Variants in ARID5A observed in about 807,000 individuals in gnomAD.
ARID5A encodes the protein AT-rich interactive domain-containing protein 5A.
A neutral mutation model predicts 30.5 loss-of-function variants in ARID5A; 14 were observed. That is an observed-to-expected ratio of 0.46 (90% CI 0.30 to 0.72). ARID5A has a LOEUF of 0.72. Among genes scored for constraint, ARID5A ranks in the 30% least tolerant of loss-of-function variants. The pLI is 0.07. For synonymous variants in ARID5A, 338 were observed against 340.4 expected, an observed-to-expected ratio of 0.99 and a Z score of 0.08; for missense variants, 669 against 786.2, an observed-to-expected ratio of 0.85 and a Z score of 1.78.
In ARID5A at chr2:96,550,241, A is replaced by G; in HGVS notation, c.366A>G (p.Pro122=). ...TGTACGACGAGCTGGGGGGCAGCCC[A>G]GGCAGCACCAGCGCGGCCACGTGCA... ...KNVYDELGGS[P]GSTSAATCTR... is the part of the protein sequence containing the mutation. Residue 122 remains proline (P), a synonymous_variant, in exon 5 of 7, where the codon CCA becomes CCG. Transcript: ENST00000357485. The surrounding 1 kb of genome is among the most constrained non-coding windows in gnomAD (Gnocchi z 6.6). 6.6e-7 allele frequency: 1 copy of G among 1,520,154 alleles called. No individual in the cohort carries two copies. The highest frequency in any genetic ancestry group is 8.8e-7 in the Non-Finnish European group (1 of 1,137,438). The allele number at this position is 1,520,154 out of a possible 1,614,324, so 94.2% of individuals were successfully genotyped here.
At chr2:96,542,712 G>A (rs556911821) in intron 1 of ARID5A, among the ~76,000 whole-genome samples, 2 of 152,312 alleles carry the variant, frequency 1.3e-5, no homozygotes, top group Admixed American at 6.5e-5. Flanking sequence ...AGCCCAAGGT[G>A]CAGCGACTTG....
intron 1 of ARID5A, chr2:96,538,036 G>C: frequency 4.1e-6 from 4 of 985,514 alleles, no homozygotes; most frequent in Non-Finnish European, 4.8e-6. Context: ...GTCGGGGCTC[G>C]AGGGCTTCAC....
In ARID5A at chr2:96,537,955, T is replaced by C. The variant is rs973558230; in HGVS notation, c.4+1125T>C. ...GCCTCTTGCCCCACCCGGGCTCCTC[T>C]GGTGGGAGCCCACACGCACGGTGGC... On this transcript the variant is annotated intron_variant, in intron 1 of 6. Coordinates refer to ENST00000357485, the MANE Select transcript of ARID5A (RefSeq NM_212481.3). This position sits in a 1 kb window ranked among gnomAD's most constrained non-coding sequence, Gnocchi z 4.8. 3 of 985,306 alleles carry C rather than the reference T, an allele frequency of 3.0e-6. No individual in the cohort carries two copies. The highest frequency in any genetic ancestry group is 3.5e-5 in the African/African-American group (2 of 57,210). 61.0% of individuals were successfully genotyped at this position (985,306 alleles called of 1,614,324 possible). A position where few individuals can be genotyped will look rare whatever the true frequency, so the allele number is the denominator to read the frequency against.
Position 96,551,363 on chromosome 2 carries a change from G to T in ARID5A, c.835G>T (p.Gly279Cys). 1 of 1,612,638 alleles carries T rather than the reference G, an allele frequency of 6.2e-7. No homozygotes were observed. The highest frequency in any genetic ancestry group is 8.5e-7 in the Non-Finnish European group (1 of 1,179,780). The change falls in exon 7 of 7, where the codon GGC becomes TGC. Residue 279 changes from glycine (G) to cysteine (C), a missense_variant. Coordinates refer to ENST00000357485, the MANE Select transcript of ARID5A (RefSeq NM_212481.3). ...GGAGGCCTTGCAGTGCCAGGAGGAG[G>T]GCTGCCGCCATGGGGCAGAGCCCCA... is the stretch of plus-strand genomic sequence containing the variant. Reference protein sequence around the residue: ...KVEALQCQEEGCRHGAEPQAS... With the variant: ...KVEALQCQEECCRHGAEPQAS...
At chr2:96,542,282 C>T (rs528231177) in intron 1 of ARID5A, among the ~76,000 whole-genome samples, 148 of 152,318 alleles carry the variant, frequency 9.7e-4, no homozygotes, top group African/African-American at 3.0e-3. Flanking sequence ...CCAGAGGGCC[C>T]TGGCAGGACA....
chr2:96,551,791 G>A lies in ARID5A; in HGVS notation c.1263G>A (p.Met421Ile), dbSNP rs1454458443. The change falls in exon 7 of 7, where the codon ATG becomes ATA. Residue 421 changes from methionine (M) to isoleucine (I), a missense_variant. Physicochemically the swap from Met to Ile is conservative, Grantham distance 10. Around this residue, in one of 4 missense-constraint regions of ARID5A, gnomAD observed 548 missense variants for 577.4 expected, o/e 0.95. Coordinates refer to ENST00000357485, the MANE Select transcript of ARID5A (RefSeq NM_212481.3). ...PKPKACWVSP[M>I]AKVPAESPTL... Reference sequence around the variant, plus strand: ...CCAAAGCCTGCTGGGTGTCCCCCATGGCCAAGGTCCCAGCCGAGAGCCCCA... The same window carrying A: ...CCAAAGCCTGCTGGGTGTCCCCCATAGCCAAGGTCCCAGCCGAGAGCCCCA... 6.4e-7 allele frequency: 1 copy of A among 1,558,048 alleles called. No individual in the cohort carries two copies. Among genetic ancestry groups the A allele is most frequent in the Non-Finnish European group, 8.6e-7 (1 of 1,156,886 alleles).
Position 96,537,449 on chromosome 2 carries a change from C to T in ARID5A, c.4+619C>T, listed in dbSNP as rs886197914. 3.9e-5 allele frequency: 6 copies of T among 152,542 alleles called. No homozygotes were observed. The highest frequency in any genetic ancestry group is 1.2e-4 in the African/African-American group (5 of 41,474). 9.4% of individuals were successfully genotyped at this position (152,542 alleles called of 1,614,324 possible). On this transcript the variant is annotated intron_variant, in intron 1 of 6. Coordinates refer to ENST00000357485, the MANE Select transcript of ARID5A (RefSeq NM_212481.3). The surrounding 1 kb of genome is among the most constrained non-coding windows in gnomAD (Gnocchi z 4.8). The stretch of plus-strand genomic sequence containing the variant: ...GGGCTGCGCCGATGGTCCGGGGAGC[C>T]CGGCTTCTCGCCCCCTGCCCCTTCC...
At chr2:96,542,993 G>C (rs951445641) in intron 1 of ARID5A, among the ~76,000 whole-genome samples, 4 of 152,222 alleles carry the variant, frequency 2.6e-5, no homozygotes, top group African/African-American at 4.8e-5. Context: ...GAGTCACAGA[G>C]GACTTGGTTG....
Position 96,537,927 on chromosome 2 carries a change from G to A in ARID5A, c.4+1097G>A. 1.0e-6 allele frequency: 1 copy of A among 985,564 alleles called. No homozygotes were observed. Among genetic ancestry groups the A allele is most frequent in the Middle Eastern group, 5.2e-4 (1 of 1,918 alleles). The allele number at this position is 985,564 out of a possible 1,614,324, so 61.1% of individuals were successfully genotyped here. On this transcript the variant is annotated intron_variant, in intron 1 of 6. Coordinates refer to ENST00000357485, the MANE Select transcript of ARID5A (RefSeq NM_212481.3). This position sits in a 1 kb window ranked among gnomAD's most constrained non-coding sequence, Gnocchi z 4.8. ...CCGCGGGCCCCAGGGGAGGACAACA[G>A]GTGCCTCTTGCCCCACCCGGGCTCC...
At chr2:96,540,467 A>G (rs1326906192) in intron 1 of ARID5A, among the ~76,000 whole-genome samples, 4 of 152,150 alleles carry the variant, frequency 2.6e-5, no homozygotes, top group African/African-American at 9.7e-5. Flanking sequence ...GAAATGAGGA[A>G]ATCGCAGGGG....
chr2:96,549,626 C>T lies in ARID5A; in HGVS notation c.260-127C>T. 5 of 1,513,208 alleles carry T rather than the reference C, an allele frequency of 3.3e-6. No individual in the cohort carries two copies. Among genetic ancestry groups the T allele is most frequent in the Non-Finnish European group, 4.6e-6 (5 of 1,092,830 alleles). The allele number at this position is 1,513,208 out of a possible 1,614,324, so 93.7% of individuals were successfully genotyped here. A position where few individuals can be genotyped will look rare whatever the true frequency, so the allele number is the denominator to read the frequency against. The stretch of plus-strand genomic sequence containing the variant: ...GGTGCACAGGGCACAGCCTGCCCGT[C>T]TATTGCAGTGGCCCTGGCTGGGTGT... On this transcript the variant is annotated intron_variant, in intron 3 of 6. Transcript: ENST00000357485. This position sits in a 1 kb window ranked among gnomAD's most constrained non-coding sequence, Gnocchi z 6.1.
At position 96,537,902 on chromosome 2, in the gene ARID5A, C is replaced by T. The variant is rs1165835604; in HGVS notation, c.4+1072C>T. The T allele has an allele frequency of 1.0e-6, 1 of 985,512 alleles. No individual in the cohort carries two copies. Among genetic ancestry groups the T allele is most frequent in the South Asian group, 4.7e-5 (1 of 21,288 alleles). The allele number at this position is 985,512 out of a possible 1,614,324, so 61.0% of individuals were successfully genotyped here. A position where few individuals can be genotyped will look rare whatever the true frequency, so the allele number is the denominator to read the frequency against. ...GAGTCTTGGGCCAGTAAGGAGTGCTCCGCGGGCCCCAGGGGAGGACAACAG... is the reference window on the plus strand; with the variant it reads ...GAGTCTTGGGCCAGTAAGGAGTGCTTCGCGGGCCCCAGGGGAGGACAACAG... On this transcript the variant is annotated intron_variant, in intron 1 of 6. Transcript: ENST00000357485. This position sits in a 1 kb window ranked among gnomAD's most constrained non-coding sequence, Gnocchi z 4.8.
intron 1 of ARID5A, among the ~76,000 whole-genome samples, chr2:96,545,778 AC>A (rs1390400928): frequency 6.6e-6 from 1 of 150,932 alleles, no homozygotes; most frequent in Admixed American, 6.6e-5. Flanking sequence ...ATATGGTGAA[AC>A]CCCGTCTCTA....
chr2:96,549,679 G>T lies in ARID5A; in HGVS notation c.260-74G>T. 6.2e-7 allele frequency: 1 copy of T among 1,603,288 alleles called. No individual in the cohort carries two copies. Among genetic ancestry groups the T allele is most frequent in the South Asian group, 1.1e-5 (1 of 90,778 alleles). ...GCTGGTCTGTGCCTGGCCTGTCAGG[G>T]CACCAGGAAGGGGTGGCATGCTGTC... On this transcript the variant is annotated intron_variant, in intron 3 of 6. Coordinates refer to ENST00000357485, the MANE Select transcript of ARID5A (RefSeq NM_212481.3). The surrounding 1 kb of genome is among the most constrained non-coding windows in gnomAD (Gnocchi z 6.1).
rs200812740 is a variant in ARID5A at position 96,551,155 on chromosome 2, G to T, written c.627G>T (p.Gln209His). 266 of 1,613,804 alleles carry T rather than the reference G, an allele frequency of 1.6e-4. No homozygotes were observed. Among genetic ancestry groups the T allele is most frequent in the Non-Finnish European group, 2.1e-4 (253 of 1,179,912 alleles). The change falls in exon 7 of 7, where the codon CAG becomes CAT. Residue 209 changes from glutamine to histidine, a missense_variant. By Grantham distance (24) the Gln-to-His change is conservative. Around this residue, in one of 4 missense-constraint regions of ARID5A, gnomAD observed 548 missense variants for 577.4 expected, o/e 0.95. Transcript: ENST00000357485. ...DAADPAPLPS[Q>H]EPPRNSTEQQ... ...CTGACCCAGCACCACTTCCCAGCCA[G>T]GAGCCCCCCAGGAACAGCACAGAAC... is the stretch of plus-strand genomic sequence containing the variant.
At chr2:96,546,272 C>G (rs1049180970) in intron 1 of ARID5A, among the ~76,000 whole-genome samples, 3 of 152,168 alleles carry the variant, frequency 2.0e-5, no homozygotes, top group Non-Finnish European at 4.4e-5. Context: ...AGGGAGTGAA[C>G]CAATTCATAC....
chr2:96,550,557 G>A lies in ARID5A; in HGVS notation c.411-17G>A, dbSNP rs1266516730. On this transcript the variant is annotated splice_polypyrimidine_tract_variant and intron_variant, in intron 5 of 6. Transcript: ENST00000357485. The surrounding 1 kb of genome is among the most constrained non-coding windows in gnomAD (Gnocchi z 6.6). ...TGGGCGCCGGCCTCCTGGGGGACATGCGTGGTTCCTCACCAGGCTGGTCCT... is the reference window on the plus strand; with the variant it reads ...TGGGCGCCGGCCTCCTGGGGGACATACGTGGTTCCTCACCAGGCTGGTCCT... 3.1e-6 allele frequency: 5 copies of A among 1,587,436 alleles called. No homozygotes were observed. The Admixed American group carries it at 7.1e-5, about 22-fold the overall frequency.
intron 1 of ARID5A, among the ~76,000 whole-genome samples, chr2:96,540,988 G>A (rs1172171304): frequency 6.6e-6 from 1 of 151,322 alleles, no homozygotes; most frequent in East Asian, 1.9e-4. Flanking sequence ...CAAGTGATCT[G>A]CCTGCCTTGG....
rs544602018 is a variant in ARID5A at position 96,551,455 on chromosome 2, G to A, written c.927G>A (p.Arg309=). 2 of 1,590,678 alleles carry A rather than the reference G, an allele frequency of 1.3e-6. No individual in the cohort carries two copies. The highest frequency in any genetic ancestry group is 2.7e-5 in the African/African-American group (2 of 74,442). The change falls in exon 7 of 7, where the codon AGG becomes AGA. Residue 309 remains arginine (R), a synonymous_variant. Coordinates refer to ENST00000357485, the MANE Select transcript of ARID5A (RefSeq NM_212481.3). ...CCAAAGGGCTGACTGAGAACTCCAG[G>A]CACCGGCTGACCCCTCAGGAGGGAT... ...QSPKGLTENS[R]HRLTPQEGLQ...
Sources: allele counts gnomAD v4.1 joint callset (sites outside exome capture counted in the v4.1 genomes callset), GRCh38; gene constraint gnomAD v4.1.1; regional missense constraint gnomAD v4.1.1; non-coding constraint Gnocchi (gnomAD v3.1); transcripts MANE v1.5; gene names NCBI Gene and HGNC (gene_info 2026-07-23, HGNC 2026-07-21).